The following RNF152 variants were observed in gnomAD, a reference collection of about 807,000 sequenced individuals.
RNF152 encodes ring finger protein 152, also known as E3 ubiquitin-protein ligase RNF152.
In RNF152, 11 loss-of-function variants were observed where a neutral mutation model predicts 12.7. The ratio of observed to expected loss-of-function variants is 0.86; its 90% confidence interval spans 0.54 to 1.43. RNF152 has a LOEUF of 1.43. Ranked by LOEUF, RNF152 falls within the 40% of genes most tolerant of loss-of-function variation. RNF152 has a pLI of 0.00. For missense variants in RNF152, 255 were observed against 274.8 expected, an observed-to-expected ratio of 0.93 and a Z score of 0.51; for synonymous variants, 113 against 120.3, an observed-to-expected ratio of 0.94 and a Z score of 0.40.
At chr18:61,839,281 T>C (rs1321918872) in intron 1 of RNF152, among the ~76,000 whole-genome samples, 1 of 152,206 alleles carries the variant, frequency 6.6e-6, no homozygotes, top group Admixed American at 6.5e-5. Flanking sequence ...AGAAAACAGG[T>C]TGCATTTACT....
intron 1 of RNF152, among the ~76,000 whole-genome samples, chr18:61,830,628 C>G (rs1314684228): frequency 6.6e-6 from 1 of 152,122 alleles, no homozygotes; most frequent in African/African-American, 2.4e-5. Flanking sequence ...TTTTAAGCCA[C>G]TCTGGCAGCA....
chr18:61,816,695 A>C, intron 1 of RNF152, 97 bp from the exon 2 acceptor site: 1 of 459,238 alleles, frequency 2.2e-6, no homozygotes. Context: ...AAAAGTCTTG[A>C]CACTGGGCCA....
At chr18:61,827,671 G>T (rs1406257566) in intron 1 of RNF152, among the ~76,000 whole-genome samples, 1 of 152,138 alleles carries the variant, frequency 6.6e-6, no homozygotes, top group Non-Finnish European at 1.5e-5. Context: ...GTTTATTGCT[G>T]CAGTTTCTCT....
At position 61,810,765 on chromosome 18, in the gene RNF152, T is replaced by C. The variant is rs1310639215; in HGVS notation, c.*5087A>G. On this transcript the variant is annotated 3_prime_UTR_variant, in exon 2 of 2. Transcript: ENST00000312828. ...AACAGCTACTGAATTATCTCGACTATCTTATTATTCTCAATAGTTTCTGTT... is the reference window on the plus strand; with the variant it reads ...AACAGCTACTGAATTATCTCGACTACCTTATTATTCTCAATAGTTTCTGTT... The C allele has an allele frequency of 6.6e-6, 1 of 152,254 alleles. No individual in the cohort carries two copies. Among genetic ancestry groups the C allele is most frequent in the Non-Finnish European group, 1.5e-5 (1 of 68,046 alleles). The allele number at this position is 152,254 out of a possible 1,614,324, so 9.4% of individuals were successfully genotyped here. A position where few individuals can be genotyped will look rare whatever the true frequency, so the allele number is the denominator to read the frequency against.
At chr18:61,829,626 C>T (rs998208206) in intron 1 of RNF152, among the ~76,000 whole-genome samples, 8 of 143,598 alleles carry the variant, frequency 5.6e-5, no homozygotes, top group Admixed American at 2.8e-4. Flanking sequence ...CATCCTAGGG[C>T]GGTTGAAGGG....
intron 1 of RNF152, among the ~76,000 whole-genome samples, chr18:61,854,608 C>T (rs535914041): frequency 6.6e-6 from 1 of 152,212 alleles, no homozygotes; most frequent in South Asian, 2.1e-4. Flanking sequence ...ATCTTTTGAA[C>T]GAGGTATTAT....
At chr18:61,847,176 G>A (rs1290897616) in intron 1 of RNF152, among the ~76,000 whole-genome samples, 1 of 151,860 alleles carries the variant, frequency 6.6e-6, no homozygotes, top group Non-Finnish European at 1.5e-5. Context: ...TAAATAAAAA[G>A]CAAGAAGTGG....
rs139442509 is a variant in RNF152, at chr18:61,815,918, G to A, written c.546C>T (p.Leu182=). The change falls in exon 2 of 2, where the codon CTC becomes CTT. Residue 182 remains leucine (L), a synonymous_variant. Coordinates refer to ENST00000312828, the MANE Select transcript of RNF152 (RefSeq NM_173557.3). ...ACATGTTGTGAAGCACGATGCCGAG[G>A]AGGAAGACCAAGACGCAAGCCACCA... is the stretch of plus-strand genomic sequence containing the variant. ...VILVACVLVF[L]LGIVLHNMSC... 9 of 1,614,084 alleles carry A rather than the reference G, an allele frequency of 5.6e-6. No individual in the cohort carries two copies. The highest frequency in any genetic ancestry group is 2.2e-5 in the East Asian group (1 of 44,884).
At chr18:61,824,350 T>A (rs1168669130) in intron 1 of RNF152, among the ~76,000 whole-genome samples, 2 of 152,376 alleles carry the variant, frequency 1.3e-5, no homozygotes, top group African/African-American at 4.8e-5. Context: ...AAATATTCTA[T>A]GACCTAAATA....
At chr18:61,827,043 A>C (rs1480904394) in intron 1 of RNF152, among the ~76,000 whole-genome samples, 3 of 152,374 alleles carry the variant, frequency 2.0e-5, no homozygotes, top group African/African-American at 7.2e-5. Context: ...TTATTTCAAC[A>C]ATATGGGCAA....
chr18:61,886,059 G>C (rs1011447990), intron 1 of RNF152, among the ~76,000 whole-genome samples: 4 of 132,952 alleles, frequency 3.0e-5, no homozygotes, highest in African/African-American at 1.1e-4. Context: ...CAGGCTTTGA[G>C]TAACAACTAA....
At chr18:61,861,701 GC>G (rs2144717448) in intron 1 of RNF152, among the ~76,000 whole-genome samples, 1 of 152,332 alleles carries the variant, frequency 6.6e-6, no homozygotes, top group East Asian at 1.9e-4. Flanking sequence ...TTTGGCGAGG[GC>G]CTCAAGCTGC....
At chr18:61,851,848 T>G (rs1335032991) in intron 1 of RNF152, among the ~76,000 whole-genome samples, 3 of 152,226 alleles carry the variant, frequency 2.0e-5, no homozygotes, top group Non-Finnish European at 4.4e-5. Context: ...CAGCAGTACA[T>G]GAATATAATA....
chr18:61,878,774 G>A (rs975905750), intron 1 of RNF152, among the ~76,000 whole-genome samples: 17 of 152,092 alleles, frequency 1.1e-4, no homozygotes, highest in Non-Finnish European at 1.0e-4. Flanking sequence ...AAGCCTCTTC[G>A]GGCATTAATC....
rs1253714221 is a variant in RNF152, at chr18:61,811,749, C to G, written c.*4103G>C. 1.3e-5 allele frequency: 2 copies of G among 151,900 alleles called. No individual in the cohort carries two copies. The highest frequency in any genetic ancestry group is 2.9e-5 in the Non-Finnish European group (2 of 67,956). 9.4% of individuals were successfully genotyped at this position (151,900 alleles called of 1,614,324 possible). On this transcript the variant is annotated 3_prime_UTR_variant, in exon 2 of 2. Transcript: ENST00000312828. ...GGGATTTCATTAGGCTTTTTTTTTC[C>G]TGTAACATTTACTTTTTGGCCACAA...
At chr18:61,881,854 A>T (rs1912477067) in intron 1 of RNF152, among the ~76,000 whole-genome samples, 2 of 152,250 alleles carry the variant, frequency 1.3e-5, no homozygotes, top group South Asian at 4.1e-4. Flanking sequence ...CTTCTCAGAG[A>T]AGACATTTTT....
intron 1 of RNF152, among the ~76,000 whole-genome samples, chr18:61,860,841 A>T (rs893282661): frequency 6.6e-6 from 1 of 152,222 alleles, no homozygotes; most frequent in African/African-American, 2.4e-5. Flanking sequence ...TAATATTGAC[A>T]ATCCTGACCC....
In RNF152 at chr18:61,815,958, AC is replaced by A; in HGVS notation, c.505del (p.Val169CysfsTer31). ...GVVKSSTWSG[V>X]CTVILVACVL... ...GCAAGCCACCAAGATGACAGTGCAC[AC>A]CCCCGACCAGGTGGAGCTTTTCACC... On this transcript the variant is annotated frameshift_variant, in exon 2 of 2. Coordinates refer to ENST00000312828, the MANE Select transcript of RNF152 (RefSeq NM_173557.3). LOFTEE classifies it high-confidence loss of function. The A allele has an allele frequency of 6.2e-7, 1 of 1,613,954 alleles. No individual in the cohort carries two copies. Among genetic ancestry groups the A allele is most frequent in the Non-Finnish European group, 8.5e-7 (1 of 1,179,984 alleles).
intron 1 of RNF152, among the ~76,000 whole-genome samples, chr18:61,822,133 TCAC>T (rs1909445337): frequency 6.6e-6 from 1 of 152,198 alleles, no homozygotes; most frequent in Non-Finnish European, 1.5e-5. Context: ...TTTTTAAATG[TCAC>T]CACAATTTAT....
Sources: gnomAD v4.1 joint callset for allele counts (sites outside exome capture counted in the v4.1 genomes callset) on GRCh38, gnomAD v4.1.1 for gene constraint, MANE v1.5 for transcripts, NCBI Gene and HGNC (gene_info 2026-07-23, HGNC 2026-07-21) for gene names.